The following PPP2R2C variants were observed in gnomAD, a reference collection of about 807,000 sequenced individuals.
The protein encoded by PPP2R2C is protein phosphatase 2 regulatory subunit Bgamma.
A neutral mutation model predicts 45.3 loss-of-function variants in PPP2R2C; 10 were observed. That is an observed-to-expected ratio of 0.22 (90% CI 0.14 to 0.37). PPP2R2C has a LOEUF of 0.37. PPP2R2C is among the 10% of genes least tolerant of loss of function. The probability of loss-of-function intolerance (pLI) is 1.00; values close to 1 mark genes in which losing one functional copy is unlikely to be tolerated. For synonymous variants in PPP2R2C, 257 were observed against 245.4 expected (o/e 1.05, Z -0.44); for missense variants, 308 against 619.7 (o/e 0.50, Z 5.34).
chr4:6,381,161 G>A lies in PPP2R2C; in HGVS notation c.71-67C>T, dbSNP rs918491836. The stretch of plus-strand genomic sequence containing the variant: ...ACCCGCCTCTCCCGGGTGCTCAACA[G>A]TGCCACAGCAATGGCGAGCTCCCCG... On this transcript the variant is annotated intron_variant, in intron 1 of 8. Transcript: ENST00000382599. 1.9e-6 allele frequency: 3 copies of A among 1,552,122 alleles called. No individual in the cohort carries two copies. The African/African-American group carries it at 4.1e-5, about 21-fold the overall frequency.
intron 8 of PPP2R2C, among the ~76,000 whole-genome samples, chr4:6,327,110 C>G (rs909049231): frequency 6.6e-6 from 1 of 152,198 alleles, no homozygotes; most frequent in Non-Finnish European, 1.5e-5. Flanking sequence ...TGGCACACCT[C>G]TATGCCTTCT....
chr4:6,469,667 C>T (rs915876515), intron 1 of PPP2R2C, among the ~76,000 whole-genome samples: 4 of 152,192 alleles, frequency 2.6e-5, no homozygotes, highest in African/African-American at 9.7e-5. Context: ...GGTGTAGTAA[C>T]TTGTCCAAGG....
intron 2 of PPP2R2C, among the ~76,000 whole-genome samples, chr4:6,505,389 C>A (rs1004730277): frequency 6.6e-6 from 1 of 152,072 alleles, no homozygotes; most frequent in Non-Finnish European, 1.5e-5. Flanking sequence ...ACATAAAAGA[C>A]CATTCAATAC....
intron 1 of PPP2R2C, chr4:6,413,832 C>G (rs4689438): frequency 0.24 from 363,081 of 1,519,650 alleles, 45,855 homozygotes; most frequent in Admixed American, 0.45. Context: ...GCCGGGGCTC[C>G]CACTCAGGGC....
rs1462710545 is a variant in PPP2R2C at position 6,332,548 on chromosome 4, C to A, written c.960+1014G>T. Among the ~76,000 whole-genome samples the A allele has an allele frequency of 6.6e-6, 1 of 152,210 alleles. No homozygotes were observed. The highest frequency in any genetic ancestry group is 2.4e-5 in the African/African-American group (1 of 41,456). ...AGCTCTGCACCAGTTCCCAGCGAGG[C>A]CTGCGCCACCCAGGACGCTTTCCTA... On this transcript the variant is annotated intron_variant, in intron 7 of 8. Coordinates refer to ENST00000382599, the MANE Select transcript of PPP2R2C (RefSeq NM_020416.4). This position sits in a 1 kb window ranked among gnomAD's most constrained non-coding sequence, Gnocchi z 4.9.
chr4:6,477,592 G>A (rs988567190), upstream of PPP2R2C, among the ~76,000 whole-genome samples: 3 of 152,072 alleles, frequency 2.0e-5, no homozygotes, highest in Non-Finnish European at 2.9e-5. Context: ...CGGGCATGGT[G>A]GTGGGCGCCT....
intron 1 of PPP2R2C, among the ~76,000 whole-genome samples, chr4:6,390,942 T>C (rs1338262812): frequency 6.6e-6 from 1 of 152,102 alleles, no homozygotes; most frequent in Non-Finnish European, 1.5e-5. Flanking sequence ...CTGAACTTGG[T>C]GGAGATGGGG....
chr4:6,330,279 G>C lies in PPP2R2C; in HGVS notation c.961-926C>G, dbSNP rs1732302342. Among the ~76,000 whole-genome samples the C allele has an allele frequency of 6.6e-6, 1 of 152,218 alleles. No homozygotes were observed. The highest frequency in any genetic ancestry group is 2.1e-4 in the South Asian group (1 of 4,832). ...TGGGTGCGGAAGGGAAGGTAACTGG[G>C]TGCCATGGAGCCTGGTTTCAACTCC... On this transcript the variant is annotated intron_variant, in intron 7 of 8. Transcript: ENST00000382599. This position sits in a 1 kb window ranked among gnomAD's most constrained non-coding sequence, Gnocchi z 7.0.
At chr4:6,499,842 G>A (rs1045634637) in intron 2 of PPP2R2C, among the ~76,000 whole-genome samples, 6 of 150,180 alleles carry the variant, frequency 4.0e-5, no homozygotes, top group African/African-American at 1.5e-4. Flanking sequence ...TGCGCCCAAG[G>A]TCCCTTTCTC....
chr4:6,412,235 G>C (rs1718242575), intron 1 of PPP2R2C, among the ~76,000 whole-genome samples: 1 of 152,234 alleles, frequency 6.6e-6, no homozygotes, highest in Non-Finnish European at 1.5e-5. Context: ...CTATTTGCCA[G>C]TCAAAACAAG....
intron 5 of PPP2R2C, among the ~76,000 whole-genome samples, chr4:6,359,624 T>TG (rs1553887861): frequency 6.9e-6 from 1 of 144,016 alleles, no homozygotes; most frequent in Non-Finnish European, 1.5e-5. Context: ...ATTTCACCTG[T>TG]AAAAAAAAAA....
chr4:6,526,715 C>A (rs144693484), intron 2 of PPP2R2C, among the ~76,000 whole-genome samples: 192 of 152,242 alleles, frequency 1.3e-3, no homozygotes, highest in African/African-American at 4.5e-3. Context: ...TGGGCTCCAG[C>A]GACCCAATTG....
intron 2 of PPP2R2C, among the ~76,000 whole-genome samples, chr4:6,498,652 G>A (rs768834650): frequency 3.3e-5 from 5 of 152,118 alleles, no homozygotes; most frequent in Non-Finnish European, 5.9e-5. Context: ...CAAGGTGGAG[G>A]AGCTGGTGTC....
intron 1 of PPP2R2C, among the ~76,000 whole-genome samples, chr4:6,470,231 G>A (rs1350981004): frequency 6.6e-6 from 1 of 152,180 alleles, no homozygotes; most frequent in African/African-American, 2.4e-5. Context: ...CAAGGGCAGG[G>A]AGTCTTTGTC....
intron 5 of PPP2R2C, among the ~76,000 whole-genome samples, chr4:6,363,906 G>C (rs879728130): frequency 2.4e-4 from 37 of 152,228 alleles, no homozygotes; most frequent in African/African-American, 8.2e-4. Context: ...AGAAGCCTCA[G>C]TGTCAATGCC....
At chr4:6,453,148 A>T (rs962282653) in intron 1 of PPP2R2C, among the ~76,000 whole-genome samples, 1 of 151,958 alleles carries the variant, frequency 6.6e-6, no homozygotes, top group East Asian at 1.9e-4. Flanking sequence ...CCTCATCTCC[A>T]TCCACCCTTG....
At chr4:6,510,539 G>A (rs980095488) in intron 2 of PPP2R2C, among the ~76,000 whole-genome samples, 8 of 151,922 alleles carry the variant, frequency 5.3e-5, no homozygotes, top group African/African-American at 1.2e-4. Context: ...TCCCTGCCCC[G>A]CCCCACATGC....
chr4:6,385,021 G>C (rs1262767923), intron 1 of PPP2R2C, among the ~76,000 whole-genome samples: 1 of 152,192 alleles, frequency 6.6e-6, no homozygotes, highest in African/African-American at 2.4e-5. Flanking sequence ...GAGGGTCTGG[G>C]AGGGAGGAAG....
intron 2 of PPP2R2C, among the ~76,000 whole-genome samples, chr4:6,513,116 T>C (rs1002070950): frequency 4.6e-5 from 7 of 152,186 alleles, no homozygotes; most frequent in African/African-American, 7.2e-5. Flanking sequence ...CTAGAAAATT[T>C]ACCAAAGGAC....
Sources: allele counts gnomAD v4.1 joint callset (sites outside exome capture counted in the v4.1 genomes callset), GRCh38; gene constraint gnomAD v4.1.1; non-coding constraint Gnocchi (gnomAD v3.1); transcripts MANE v1.5; gene names NCBI Gene and HGNC (gene_info 2026-07-23, HGNC 2026-07-21).